ADGRB1: variants seen among roughly 807,000 people sequenced by gnomAD.
ADGRB1 encodes the protein brain-specific angiogenesis inhibitor 1.
In ADGRB1, 36 loss-of-function variants were observed where a neutral mutation model predicts 175.7. The ratio of observed to expected loss-of-function variants is 0.20; its 90% CI spans 0.16 to 0.27. The LOEUF (loss-of-function observed/expected upper bound fraction) is 0.27. ADGRB1 is among the 10% of genes least tolerant of loss of function. The pLI is 1.00. For missense variants in ADGRB1, 1,731 were observed against 2,255.3 expected, an observed-to-expected ratio of 0.77 and a Z score of 4.71; for synonymous variants, 1,054 against 979.4, an observed-to-expected ratio of 1.08 and a Z score of -1.42.
chr8:142,504,956 G>A lies in ADGRB1; in HGVS notation c.2676-5976G>A, dbSNP rs1842781252. The stretch of plus-strand genomic sequence containing the variant: ...GTCATTCACACTAGAGTGTGAATTA[G>A]CCCATCAAATCCAAGGGGACCCCGA... On this transcript the variant is annotated intron_variant, in intron 17 of 30. Transcript: ENST00000517894. This position sits in a 1 kb window ranked among gnomAD's most constrained non-coding sequence, Gnocchi z 5.6. Among the ~76,000 whole-genome samples the A allele has an allele frequency of 6.6e-6, 1 of 152,020 alleles. No homozygotes were observed. Among genetic ancestry groups the A allele is most frequent in the South Asian group, 2.1e-4 (1 of 4,812 alleles).
chr8:142,508,773 C>T (rs536381044), intron 17 of ADGRB1, among the ~76,000 whole-genome samples: 34 of 152,366 alleles, frequency 2.2e-4, no homozygotes, highest in African/African-American at 7.5e-4. Flanking sequence ...CAGGCTCCCA[C>T]GTGCCTCTGT....
chr8:142,515,751 G>A (rs563218241), intron 18 of ADGRB1, among the ~76,000 whole-genome samples: 4 of 152,374 alleles, frequency 2.6e-5, no homozygotes, highest in East Asian at 3.9e-4. Flanking sequence ...CGGTGGGAGA[G>A]CTGGCAGGTG....
rs1373904063 is a variant in ADGRB1 at position 142,543,426 on chromosome 8, A to G, written c.4437A>G (p.Glu1479=). The G allele has an allele frequency of 5.0e-6, 8 of 1,613,644 alleles. No homozygotes were observed. In the African/African-American group the frequency reaches 8.0e-5, roughly 16 times the overall value. Residue 1479 remains glutamate (E), a synonymous_variant, in exon 29 of 31, where the codon GAA becomes GAG. Coordinates refer to ENST00000517894, the MANE Select transcript of ADGRB1 (RefSeq NM_001702.3). The surrounding 1 kb of genome is among the most constrained non-coding windows in gnomAD (Gnocchi z 4.4). ...SLERRKSRYA[E]LDFEKIMHTR... The stretch of plus-strand genomic sequence containing the variant: ...AGCGGCGGAAGTCGCGGTATGCAGA[A>G]CTGGACTTTGAGGTGAGTTCTGGTG...
chr8:142,473,025 C>G (rs1259641100), intron 2 of ADGRB1, among the ~76,000 whole-genome samples: 3 of 152,116 alleles, frequency 2.0e-5, no homozygotes, highest in Non-Finnish European at 4.4e-5. Context: ...CTTTCTCCCC[C>G]TACCACATCC....
intron 19 of ADGRB1, among the ~76,000 whole-genome samples, chr8:142,520,369 ATGGTGGTGG>A (rs1365173887): frequency 2.2e-4 from 27 of 121,694 alleles, no homozygotes; most frequent in African/African-American, 8.6e-4. Flanking sequence ...GATGGTGGTG[ATGGTGGTGG>A]TGGTGATGGT....
At chr8:142,522,527 G>T (rs1161810289) in intron 21 of ADGRB1, 114 bp from the exon 22 acceptor site, 2 of 1,037,820 alleles carry the variant, frequency 1.9e-6, no homozygotes, top group African/African-American at 1.7e-5. Context: ...ATCCTCTGTT[G>T]GGGGCTTCAG....
intron 17 of ADGRB1, 39 bp downstream of exon 17, chr8:142,490,854 G>C: frequency 6.4e-7 from 1 of 1,555,252 alleles, no homozygotes; most frequent in Non-Finnish European, 8.7e-7. Flanking sequence ...GGGGTCTGGG[G>C]TGGGGTTCGT....
chr8:142,490,841 G>A (rs372121797), intron 17 of ADGRB1, 26 bp downstream of exon 17: 87 of 1,566,472 alleles, frequency 5.6e-5, no homozygotes, highest in African/African-American at 2.8e-4. Flanking sequence ...TTTCATGGCC[G>A]TGGGGGTCTG....
At position 142,478,233 on chromosome 8, in the gene ADGRB1, C is replaced by T. The variant is rs1264648324; in HGVS notation, c.1434C>T (p.Ala478=). The change falls in exon 7 of 31, where the codon GCC becomes GCT. Residue 478 remains alanine (A), a synonymous_variant. Coordinates refer to ENST00000517894, the MANE Select transcript of ADGRB1 (RefSeq NM_001702.3). ...GGAATGAGTGGTCGAGCTGGAGCGC[C>T]TGCTCCGCCAGCTGCTCCCAGGGCC... The part of the protein sequence containing the change: ...GNWNEWSSWS[A]CSASCSQGRQ... 1 of 1,608,276 alleles carries T rather than the reference C, an allele frequency of 6.2e-7. No individual in the cohort carries two copies.
At chr8:142,489,701 C>A (rs1484204728) in intron 16 of ADGRB1, among the ~76,000 whole-genome samples, 1 of 152,208 alleles carries the variant, frequency 6.6e-6, no homozygotes, top group East Asian at 1.9e-4. Flanking sequence ...CCCTCCAGCC[C>A]CCATTGGCCT....
intron 1 of ADGRB1, among the ~76,000 whole-genome samples, chr8:142,453,664 C>G (rs1441469225): frequency 6.6e-6 from 1 of 152,142 alleles, no homozygotes; most frequent in Non-Finnish European, 1.5e-5. Flanking sequence ...GAACTGGGAG[C>G]AGGGCAGGGG....
chr8:142,488,378 A>G lies in ADGRB1; in HGVS notation c.2323A>G (p.Lys775Glu). The change falls in exon 14 of 31, where the codon AAG becomes GAG. Residue 775 changes from lysine to glutamate, a missense_variant. By Grantham distance (56) the Lys-to-Glu change is moderately conservative. Around this residue, in one of 8 missense-constraint regions of ADGRB1, gnomAD observed 388 missense variants for 630.9 expected, o/e 0.61. Transcript: ENST00000517894. Reference protein sequence around the residue: ...VTDNLVLSIHKLPASGATDIS... With the variant: ...VTDNLVLSIHELPASGATDIS... ...CCTGCTCCCAGTTCTCAGCATCCAT[A>G]AGCTCCCAGCCAGCGGAGCCACTGA... is the stretch of plus-strand genomic sequence containing the variant. 1 of 1,612,932 alleles carries G rather than the reference A, an allele frequency of 6.2e-7. No individual in the cohort carries two copies. Among genetic ancestry groups the G allele is most frequent in the Non-Finnish European group, 8.5e-7 (1 of 1,179,786 alleles).
chr8:142,530,490 C>G (rs1469692846), intron 24 of ADGRB1, among the ~76,000 whole-genome samples: 1 of 152,302 alleles, frequency 6.6e-6, no homozygotes, highest in East Asian at 1.9e-4. Flanking sequence ...CTGTACCCTC[C>G]TGCTTTGCTC....
chr8:142,464,133 C>G lies in ADGRB1; in HGVS notation c.-66C>G, dbSNP rs1840113428. ...GGCCCTGCCCGCCGCCGGACCCTGG[C>G]ATGTCAAGACCTGGTCCGCGCCTGC... On this transcript the variant is annotated 5_prime_UTR_variant, in exon 2 of 31. Transcript: ENST00000517894. 8.9e-7 allele frequency: 1 copy of G among 1,122,060 alleles called. No individual in the cohort carries two copies. Among genetic ancestry groups the G allele is most frequent in the African/African-American group, 1.7e-5 (1 of 60,402 alleles). 69.5% of individuals were successfully genotyped at this position (1,122,060 alleles called of 1,614,324 possible). A position where few individuals can be genotyped will look rare whatever the true frequency, so the allele number is the denominator to read the frequency against.
chr8:142,451,151 G>T (rs1839327899), intron 1 of ADGRB1, among the ~76,000 whole-genome samples: 1 of 152,066 alleles, frequency 6.6e-6, no homozygotes, highest in Non-Finnish European at 1.5e-5. Context: ...CTCCGGCCTC[G>T]GGAGGGGGCG....
In ADGRB1 at chr8:142,474,090, T is replaced by C. The variant is rs2131763307; in HGVS notation, c.785-1384T>C. On this transcript the variant is annotated intron_variant, in intron 2 of 30. Coordinates refer to ENST00000517894, the MANE Select transcript of ADGRB1 (RefSeq NM_001702.3). This position sits in a 1 kb window ranked among gnomAD's most constrained non-coding sequence, Gnocchi z 5.8. ...TTGTAAATGATGGGAGTGAGGCCAG[T>C]GGGTGGTGGGGCCACTGGGGGAATC... Among the ~76,000 whole-genome samples, 1 of 152,256 alleles carries C rather than the reference T, an allele frequency of 6.6e-6. No individual in the cohort carries two copies. The highest frequency in any genetic ancestry group is 1.9e-4 in the East Asian group (1 of 5,162).
intron 16 of ADGRB1, 136 bp downstream of exon 16, chr8:142,489,574 AT>A: frequency 1.0e-6 from 1 of 970,444 alleles, no homozygotes; most frequent in Non-Finnish European, 1.6e-6. Context: ...TTATCCCTGG[AT>A]TACAGGTGGG....
intron 19 of ADGRB1, among the ~76,000 whole-genome samples, chr8:142,518,897 G>T (rs538756505): frequency 2.6e-5 from 4 of 152,352 alleles, no homozygotes; most frequent in Non-Finnish European, 2.9e-5. Flanking sequence ...CGTGTCCAGA[G>T]GACACGTGGC....
Position 142,489,460 on chromosome 8 carries a change from ACT to A in ADGRB1, c.2631+25_2631+26del, listed in dbSNP as rs779273092. 9.3e-6 allele frequency: 15 copies of A among 1,606,460 alleles called. 1 individual carries two copies. The highest frequency in any genetic ancestry group is 1.3e-5 in the Non-Finnish European group (15 of 1,174,348). On this transcript the variant is annotated intron_variant, in intron 16 of 30. Transcript: ENST00000517894. The stretch of plus-strand genomic sequence containing the variant: ...TAATGTGAGTGCCGTCCACGTGCAC[ACT>A]CTGATGCCAGCAGAAACGCGTGTGC...
Sources: gnomAD v4.1 joint callset for allele counts (sites outside exome capture counted in the v4.1 genomes callset) on GRCh38, gnomAD v4.1.1 for gene constraint, gnomAD v4.1.1 regional missense constraint, Gnocchi (gnomAD v3.1) non-coding constraint, MANE v1.5 for transcripts, NCBI Gene and HGNC (gene_info 2026-07-23, HGNC 2026-07-21) for gene names.